CHSY3: variants seen among roughly 807,000 people sequenced by gnomAD.
The protein encoded by CHSY3 is N-acetylgalactosaminyl-proteoglycan 3-beta-glucuronosyltransferase 3.
CHSY3 carries 35 observed loss-of-function variants against 67.2 expected under a neutral mutation model. The ratio of observed to expected loss-of-function variants is 0.52; its 90% confidence interval spans 0.40 to 0.69. The LOEUF (loss-of-function observed/expected upper bound fraction) is 0.69, where lower values mean the gene tolerates loss of function less well. Ranked by LOEUF, CHSY3 falls within the 30% of genes least tolerant of loss-of-function variation. The pLI, the probability that CHSY3 is intolerant of heterozygous loss-of-function variation, is 0.00. For missense variants in CHSY3, 1,069 were observed against 1,138.5 expected, an observed-to-expected ratio of 0.94 and a Z score of 0.88; for synonymous variants, 474 against 434.7, an observed-to-expected ratio of 1.09 and a Z score of -1.12.
Position 129,993,095 on chromosome 5 carries a change from G to A in CHSY3, c.1086+84735G>A, listed in dbSNP as rs529609359. 2.4e-4 allele frequency among the ~76,000 whole-genome samples: 37 copies of A among 152,194 alleles called. No individual in the cohort carries two copies. The South Asian group carries it at 4.4e-3, about 18-fold the overall frequency. On this transcript the variant is annotated intron_variant, in intron 2 of 2. Transcript: ENST00000305031. ...AATTTTCCTTCTAACTCTAGAAAAC[G>A]GGTACTGTTATGTGCTATTTCAGAT... is the stretch of plus-strand genomic sequence containing the variant.
At chr5:130,015,732 G>A (rs1764201524) in intron 2 of CHSY3, among the ~76,000 whole-genome samples, 1 of 152,138 alleles carries the variant, frequency 6.6e-6, no homozygotes, top group Non-Finnish European at 1.5e-5. Flanking sequence ...CCATTACTGG[G>A]TATATACCCA....
At chr5:130,148,875 G>T (rs542852448) in intron 2 of CHSY3, among the ~76,000 whole-genome samples, 27 of 152,182 alleles carry the variant, frequency 1.8e-4, no homozygotes, top group African/African-American at 6.0e-4. Context: ...AGTTTCCTTT[G>T]CTGTGCAGAG....
intron 2 of CHSY3, among the ~76,000 whole-genome samples, chr5:130,039,085 T>G (rs1764937398): frequency 6.6e-6 from 1 of 152,174 alleles, no homozygotes; most frequent in Admixed American, 6.6e-5. Context: ...CAAGACATTT[T>G]TCTTATTTTA....
intron 2 of CHSY3, among the ~76,000 whole-genome samples, chr5:130,090,877 G>A (rs935725744): frequency 2.0e-5 from 3 of 152,102 alleles, no homozygotes; most frequent in South Asian, 2.1e-4. Context: ...GAGAAGAAAG[G>A]GGGAACTTTG....
At chr5:130,039,075 C>T (rs1240776239) in intron 2 of CHSY3, among the ~76,000 whole-genome samples, 1 of 152,006 alleles carries the variant, frequency 6.6e-6, no homozygotes, top group African/African-American at 2.4e-5. Context: ...ATAATATTTT[C>T]AAGACATTTT....
intron 2 of CHSY3, among the ~76,000 whole-genome samples, chr5:130,100,376 T>C (rs967509821): frequency 1.3e-5 from 2 of 150,418 alleles, no homozygotes; most frequent in Non-Finnish European, 3.0e-5. Context: ...TTTGTATTTT[T>C]AGTAGAGACG....
At chr5:130,147,229 A>G (rs895978646) in intron 2 of CHSY3, among the ~76,000 whole-genome samples, 1 of 152,184 alleles carries the variant, frequency 6.6e-6, no homozygotes, top group South Asian at 2.1e-4. Flanking sequence ...TATGATCTAG[A>G]TGTGGAGACT....
chr5:129,967,741 T>G (rs547137877), intron 2 of CHSY3, among the ~76,000 whole-genome samples: 4 of 151,818 alleles, frequency 2.6e-5, no homozygotes, highest in Non-Finnish European at 5.9e-5. Context: ...AGGCAAACTA[T>G]GCTTAAACCT....
intron 2 of CHSY3, among the ~76,000 whole-genome samples, chr5:130,080,911 G>A (rs1471562925): frequency 6.6e-6 from 1 of 152,074 alleles, no homozygotes; most frequent in African/African-American, 2.4e-5. Context: ...CATGCACAGG[G>A]AGAAAATTAT....
chr5:129,918,481 A>T (rs1383870002), intron 2 of CHSY3, among the ~76,000 whole-genome samples: 1 of 152,254 alleles, frequency 6.6e-6, no homozygotes, highest in Non-Finnish European at 1.5e-5. Context: ...ACTCTCAACA[A>T]ATAGTTTTGA....
chr5:130,040,432 A>G (rs1162841125), intron 2 of CHSY3, among the ~76,000 whole-genome samples: 2 of 152,080 alleles, frequency 1.3e-5, no homozygotes, highest in African/African-American at 2.4e-5. Flanking sequence ...TTGTTCATAC[A>G]TGTAATAATA....
At chr5:130,148,259 A>G (rs1038977423) in intron 2 of CHSY3, among the ~76,000 whole-genome samples, 9 of 152,154 alleles carry the variant, frequency 5.9e-5, no homozygotes, top group African/African-American at 1.4e-4. Context: ...ATAGTATTCC[A>G]TGGTGTATAT....
At chr5:130,034,522 C>T (rs1764793487) in intron 2 of CHSY3, among the ~76,000 whole-genome samples, 1 of 152,078 alleles carries the variant, frequency 6.6e-6, no homozygotes, top group African/African-American at 2.4e-5. Flanking sequence ...GGAAAAGATC[C>T]ATTCAACAGA....
At chr5:130,074,047 C>G (rs1382593491) in intron 2 of CHSY3, among the ~76,000 whole-genome samples, 2 of 152,008 alleles carry the variant, frequency 1.3e-5, no homozygotes, top group East Asian at 3.9e-4. Flanking sequence ...AATTATCTTT[C>G]AGCTAGAATA....
chr5:129,989,783 A>G lies in CHSY3; in HGVS notation c.1086+81423A>G, dbSNP rs189263890. Reference sequence around the variant, plus strand: ...TGGTGATAATTATAGTGCATGCTTCATAGTATTAATATTACTTTGGTAAGT... The same window carrying G: ...TGGTGATAATTATAGTGCATGCTTCGTAGTATTAATATTACTTTGGTAAGT... On this transcript the variant is annotated intron_variant, in intron 2 of 2. Transcript: ENST00000305031. Among the ~76,000 whole-genome samples, 518 of 152,330 alleles carry G rather than the reference A, an allele frequency of 3.4e-3. 5 individuals are homozygous for G. The highest frequency in any genetic ancestry group is 0.012 in the African/African-American group (489 of 41,582).
At chr5:130,098,543 A>G (rs1215765379) in intron 2 of CHSY3, among the ~76,000 whole-genome samples, 1 of 152,162 alleles carries the variant, frequency 6.6e-6, no homozygotes, top group Non-Finnish European at 1.5e-5. Flanking sequence ...TTTCTTACCA[A>G]GGGGAGAAAA....
intron 2 of CHSY3, among the ~76,000 whole-genome samples, chr5:129,938,932 G>C (rs943426300): frequency 6.6e-6 from 1 of 152,080 alleles, no homozygotes; most frequent in African/African-American, 2.4e-5. Flanking sequence ...TTATAGCAAT[G>C]CTCCAATACT....
intron 2 of CHSY3, among the ~76,000 whole-genome samples, chr5:130,051,713 A>G (rs77458062): frequency 0.019 from 2,943 of 152,230 alleles, 98 homozygotes; most frequent in African/African-American, 0.068. Flanking sequence ...AGGTGTATTC[A>G]GGGGACAGAG....
chr5:130,155,125 A>G (rs1364033183), intron 2 of CHSY3, among the ~76,000 whole-genome samples: 2 of 152,234 alleles, frequency 1.3e-5, no homozygotes, highest in African/African-American at 4.8e-5. Context: ...TGTAGGAGGC[A>G]TTTCCTAGAG....
Sources: gnomAD v4.1 joint callset for allele counts (sites outside exome capture counted in the v4.1 genomes callset) on GRCh38, gnomAD v4.1.1 for gene constraint, MANE v1.5 for transcripts, NCBI Gene and HGNC (gene_info 2026-07-23, HGNC 2026-07-21) for gene names.